Variants in SKAP1 observed in about 807,000 individuals in gnomAD.
SKAP1 encodes the protein src kinase-associated phosphoprotein 1.
In SKAP1, 44 loss-of-function variants were observed where a neutral mutation model predicts 58.5. The ratio of observed to expected loss-of-function variants is 0.75; its 90% confidence interval spans 0.59 to 0.97. The LOEUF is 0.97. SKAP1 is among the 50% of genes least tolerant of loss of function. The probability of loss-of-function intolerance (pLI) is 0.00; values close to 1 mark genes in which losing one functional copy is unlikely to be tolerated. For missense variants in SKAP1, 390 were observed against 435.2 expected (o/e 0.90, Z 0.92); for synonymous variants, 127 against 149.7 (o/e 0.85, Z 1.11).
At chr17:48,334,364 A>G (rs977952757) in intron 4 of SKAP1, among the ~76,000 whole-genome samples, 2 of 151,992 alleles carry the variant, frequency 1.3e-5, no homozygotes, top group Non-Finnish European at 2.9e-5. Context: ...ATCCCTTCAG[A>G]GAGCTTTGTG....
chr17:48,365,230 G>A (rs1189675691), intron 2 of SKAP1, among the ~76,000 whole-genome samples: 1 of 152,124 alleles, frequency 6.6e-6, no homozygotes, highest in African/African-American at 2.4e-5. Flanking sequence ...TTGCAGGGAT[G>A]AGCCACTGCA....
In SKAP1 at chr17:48,373,571, T is replaced by A. The variant is rs148168472; in HGVS notation, c.153-9757A>T. Among the ~76,000 whole-genome samples, 76 of 152,344 alleles carry A rather than the reference T, an allele frequency of 5.0e-4. 1 individual carries two copies. Among genetic ancestry groups the A allele is most frequent in the Admixed American group, 1.3e-3 (20 of 15,304 alleles). Reference sequence around the variant, plus strand: ...TACAGTTGTTTTGTTAGATAGCCTATGGGCATGAATCAACCCTAATATGAA... The same window carrying A: ...TACAGTTGTTTTGTTAGATAGCCTAAGGGCATGAATCAACCCTAATATGAA... On this transcript the variant is annotated intron_variant, in intron 2 of 12. Transcript: ENST00000336915.
chr17:48,386,358 C>T, intron 2 of SKAP1, among the ~76,000 whole-genome samples: 1 of 140,132 alleles, frequency 7.1e-6, no homozygotes, highest in East Asian at 2.0e-4. Context: ...CTTTAAGGAG[C>T]TTATGATCTC....
At chr17:48,407,412 A>G (rs2067600882) in intron 1 of SKAP1, among the ~76,000 whole-genome samples, 1 of 152,226 alleles carries the variant, frequency 6.6e-6, no homozygotes, top group African/African-American at 2.4e-5. Context: ...CTCTGATAAG[A>G]AAGAAAAAGA....
intron 5 of SKAP1, among the ~76,000 whole-genome samples, chr17:48,188,291 A>C (rs752363151): frequency 1.1e-4 from 17 of 152,232 alleles, no homozygotes; most frequent in Non-Finnish European, 2.1e-4. Context: ...TGGCCATGAA[A>C]GAGCCTTTGT....
chr17:48,375,712 G>A (rs2067141934), intron 2 of SKAP1, among the ~76,000 whole-genome samples: 1 of 152,266 alleles, frequency 6.6e-6, no homozygotes, highest in African/African-American at 2.4e-5. Context: ...ATACATTATG[G>A]CAAAATAAAA....
At chr17:48,380,902 T>G (rs551497176) in intron 2 of SKAP1, among the ~76,000 whole-genome samples, 3 of 152,350 alleles carry the variant, frequency 2.0e-5, no homozygotes, top group South Asian at 2.1e-4. Context: ...ATTTCGAAAG[T>G]TGAAGCATAT....
intron 9 of SKAP1, among the ~76,000 whole-genome samples, chr17:48,176,501 C>A (rs79097939): frequency 6.6e-6 from 1 of 152,132 alleles, no homozygotes; most frequent in African/African-American, 2.4e-5. Flanking sequence ...CCATTTTCTA[C>A]ATATTGCTTT....
At chr17:48,338,787 A>G (rs770166483) in intron 4 of SKAP1, among the ~76,000 whole-genome samples, 7 of 152,240 alleles carry the variant, frequency 4.6e-5, no homozygotes, top group Non-Finnish European at 8.8e-5. Flanking sequence ...AACATGTATA[A>G]TCCTTGGTAA....
At chr17:48,439,051 A>G in the SKAP1 span, among the ~76,000 whole-genome samples, 1 of 152,256 alleles carries the variant, frequency 6.6e-6, no homozygotes, top group Non-Finnish European at 1.5e-5. Flanking sequence ...TCATTTCCTG[A>G]ATTGTAATTT....
intron 4 of SKAP1, among the ~76,000 whole-genome samples, chr17:48,288,510 A>ACC (rs1029453176): frequency 6.6e-6 from 1 of 151,992 alleles, no homozygotes; most frequent in African/African-American, 2.4e-5. Context: ...ATATGGTGAA[A>ACC]CCCCGTCTCT....
At chr17:48,280,007 T>C (rs942288721) in intron 4 of SKAP1, among the ~76,000 whole-genome samples, 2 of 152,172 alleles carry the variant, frequency 1.3e-5, no homozygotes, top group African/African-American at 4.8e-5. Flanking sequence ...AAAATATACT[T>C]ATTTCTCATG....
In SKAP1 at chr17:48,134,954, T is replaced by C. The variant is rs79698069; in HGVS notation, c.*8-1138A>G. 3.0e-3 allele frequency among the ~76,000 whole-genome samples: 462 copies of C among 152,282 alleles called. 2 individuals carry two copies. Among genetic ancestry groups the C allele is most frequent in the Non-Finnish European group, 4.5e-3 (306 of 68,020 alleles). On this transcript the variant is annotated intron_variant, in intron 12 of 12. Coordinates refer to ENST00000336915, the MANE Select transcript of SKAP1 (RefSeq NM_003726.4). The stretch of plus-strand genomic sequence containing the variant: ...CCTGACCTCAAGTGATCCACCTGCC[T>C]TGGCCTTGAAAGTGCTGGGACTACA...
intron 4 of SKAP1, among the ~76,000 whole-genome samples, chr17:48,311,919 C>G (rs1232568476): frequency 6.6e-6 from 1 of 152,136 alleles, no homozygotes; most frequent in Non-Finnish European, 1.5e-5. Flanking sequence ...ATGATAAATA[C>G]AAGGAAAATC....
intron 12 of SKAP1, among the ~76,000 whole-genome samples, chr17:48,136,265 G>A (rs1296523461): frequency 6.6e-6 from 1 of 151,668 alleles, no homozygotes; most frequent in Non-Finnish European, 1.5e-5. Flanking sequence ...TATGCCTCCC[G>A]GGTTCAAGCG....
intron 4 of SKAP1, among the ~76,000 whole-genome samples, chr17:48,320,748 T>C (rs2066351705): frequency 6.7e-6 from 1 of 149,414 alleles, no homozygotes; most frequent in South Asian, 2.1e-4. Flanking sequence ...ATCCCATCTC[T>C]ACCTCCACCA....
intron 11 of SKAP1, among the ~76,000 whole-genome samples, chr17:48,138,578 C>T (rs1372358616): frequency 6.6e-6 from 1 of 152,090 alleles, no homozygotes; most frequent in East Asian, 1.9e-4. Context: ...CCATGTTGGC[C>T]TTGATGGTCT....
intron 4 of SKAP1, among the ~76,000 whole-genome samples, chr17:48,272,421 C>T (rs929996467): frequency 6.6e-6 from 1 of 151,350 alleles, no homozygotes; most frequent in African/African-American, 2.4e-5. Flanking sequence ...CGTGAGACAT[C>T]GTGTTCCTCT....
intron 4 of SKAP1, among the ~76,000 whole-genome samples, chr17:48,300,114 C>T (rs2066038328): frequency 6.6e-6 from 1 of 152,130 alleles, no homozygotes; most frequent in African/African-American, 2.4e-5. Flanking sequence ...TCAAGAGTTT[C>T]TGGCTTCACT....
Sources: allele counts gnomAD v4.1 joint callset (sites outside exome capture counted in the v4.1 genomes callset), GRCh38; gene constraint gnomAD v4.1.1; transcripts MANE v1.5; gene names NCBI Gene and HGNC (gene_info 2026-07-23, HGNC 2026-07-21).